The following CHMP5 variants were observed in gnomAD, a reference collection of about 807,000 sequenced individuals.
CHMP5 encodes the protein SNF7 domain containing 2.
CHMP5 carries 17 observed loss-of-function variants against 33.0 expected under a neutral mutation model. That is an observed-to-expected ratio of 0.52 (90% CI 0.35 to 0.77). The LOEUF (loss-of-function observed/expected upper bound fraction) is 0.77. Among genes scored for constraint, CHMP5 ranks in the 30% least tolerant of loss-of-function variants. The probability of loss-of-function intolerance (pLI) is 0.01; values close to 1 mark genes in which losing one functional copy is unlikely to be tolerated. For synonymous variants in CHMP5, 76 were observed against 90.2 expected (o/e 0.84, Z 0.89); for missense variants, 216 against 261.5 (o/e 0.83, Z 1.20).
intron 5 of CHMP5, 42 bp from the exon 6 acceptor site, chr9:33,276,414 A>G: frequency 1.7e-6 from 2 of 1,143,078 alleles, no homozygotes; most frequent in Non-Finnish European, 2.6e-6. Context: ...GTTAAAAGAA[A>G]ATGGTAAATG....
intron 5 of CHMP5, among the ~76,000 whole-genome samples, chr9:33,275,782 G>A (rs10758200): frequency 0.59 from 89,851 of 152,016 alleles, 32,213 homozygotes; most frequent in Non-Finnish European, 0.77. Context: ...GGCTGAGGTG[G>A]GCAGATCACC....
intron 3 of CHMP5, among the ~76,000 whole-genome samples, chr9:33,268,729 T>G (rs555967074): frequency 6.6e-6 from 1 of 152,198 alleles, no homozygotes; most frequent in Non-Finnish European, 1.5e-5. Flanking sequence ...AGAATATAGG[T>G]TCATTGTAGA....
intron 4 of CHMP5, among the ~76,000 whole-genome samples, chr9:33,270,925 T>C (rs1820786925): frequency 6.6e-6 from 1 of 151,898 alleles, no homozygotes; most frequent in African/African-American, 2.4e-5. Flanking sequence ...CTACTAAAAA[T>C]ACAAAAATTA....
intron 1 of CHMP5, 44 bp from the exon 2 acceptor site, chr9:33,265,966 G>A: frequency 8.0e-7 from 1 of 1,248,784 alleles, no homozygotes; most frequent in Non-Finnish European, 1.2e-6. Context: ...TCTGGAATAA[G>A]TGTATTGCAG....
chr9:33,271,439 C>T (rs1284191640), intron 5 of CHMP5, among the ~76,000 whole-genome samples: 2 of 152,190 alleles, frequency 1.3e-5, no homozygotes, highest in African/African-American at 2.4e-5. Flanking sequence ...CGATTTAAGA[C>T]GGTTCAACTT....
rs1344379193 is a variant in CHMP5 at position 33,265,052 on chromosome 9, G to A, written c.-27G>A. 8 of 1,614,100 alleles carry A rather than the reference G, an allele frequency of 5.0e-6. No individual in the cohort carries two copies. Among genetic ancestry groups the A allele is most frequent in the East Asian group, 4.5e-5 (2 of 44,878 alleles). ...CTTCCGTTTCTGGTTTTGCTCTAGT[G>A]TTTGGGTTTCTTCGCGGCTGCTCAA... On this transcript the variant is annotated 5_prime_UTR_variant, in exon 1 of 8. Transcript: ENST00000223500.
chr9:33,271,806 G>A (rs1381766556), intron 5 of CHMP5, among the ~76,000 whole-genome samples: 1 of 152,164 alleles, frequency 6.6e-6, no homozygotes, highest in Non-Finnish European at 1.5e-5. Flanking sequence ...AAATGAGCTA[G>A]TATCTCTACA....
rs1277626548 is a variant in CHMP5 at position 33,265,051 on chromosome 9, T to C, written c.-28T>C. 5.0e-6 allele frequency: 8 copies of C among 1,613,850 alleles called. No individual in the cohort carries two copies. The highest frequency in any genetic ancestry group is 4.0e-5 in the African/African-American group (3 of 74,946). On this transcript the variant is annotated 5_prime_UTR_variant, in exon 1 of 8. Transcript: ENST00000223500. ...GCTTCCGTTTCTGGTTTTGCTCTAG[T>C]GTTTGGGTTTCTTCGCGGCTGCTCA...
At chr9:33,275,567 C>T (rs978442723) in intron 5 of CHMP5, among the ~76,000 whole-genome samples, 2 of 152,294 alleles carry the variant, frequency 1.3e-5, no homozygotes, top group South Asian at 4.2e-4. Flanking sequence ...GTCTCAGTAA[C>T]CTCCCTGTCT....
intron 3 of CHMP5, among the ~76,000 whole-genome samples, chr9:33,268,534 T>C (rs1361781388): frequency 6.6e-6 from 1 of 152,218 alleles, no homozygotes; most frequent in Non-Finnish European, 1.5e-5. Context: ...AGAAAGATTG[T>C]CAGTGTCTCT....
chr9:33,274,392 C>T (rs1191066299), intron 5 of CHMP5, among the ~76,000 whole-genome samples: 1 of 152,142 alleles, frequency 6.6e-6, no homozygotes, highest in Non-Finnish European at 1.5e-5. Flanking sequence ...AAATGTCTTG[C>T]ATTGCTTTAG....
chr9:33,276,349 C>T (rs974098393), intron 5 of CHMP5, 107 bp from the exon 6 acceptor site: 1 of 624,606 alleles, frequency 1.6e-6, no homozygotes, highest in African/African-American at 1.9e-5. Context: ...TATACATTAT[C>T]TTTTTAAAAA....
Position 33,280,804 on chromosome 9 carries a change from T to C in CHMP5, c.610-5T>C, listed in dbSNP as rs368264902. 2.5e-6 allele frequency: 4 copies of C among 1,608,198 alleles called. No individual in the cohort carries two copies. The highest frequency in any genetic ancestry group is 3.4e-6 in the Non-Finnish European group (4 of 1,177,938). On this transcript the variant is annotated splice_region_variant and splice_polypyrimidine_tract_variant and intron_variant, in intron 7 of 7. Transcript: ENST00000223500. ...GTGGCACTAAACATTGCTTCCTTTT[T>C]ACAGGATGGAGTTCTGGTGGATGAA... is the stretch of plus-strand genomic sequence containing the variant.
At chr9:33,275,394 T>C (rs1820841337) in intron 5 of CHMP5, among the ~76,000 whole-genome samples, 1 of 152,182 alleles carries the variant, frequency 6.6e-6, no homozygotes, top group African/African-American at 2.4e-5. Flanking sequence ...TCACCAGCCT[T>C]GTCTTGGCTG....
At position 33,280,903 on chromosome 9, in the gene CHMP5, T is replaced by C; in HGVS notation, c.*44T>C. The C allele has an allele frequency of 2.0e-6, 3 of 1,496,274 alleles. No homozygotes were observed. Among genetic ancestry groups the C allele is most frequent in the Non-Finnish European group, 1.8e-6 (2 of 1,089,878 alleles). 92.7% of individuals were successfully genotyped at this position (1,496,274 alleles called of 1,614,324 possible). ...TATCTTGTAAAACAAACACATATTA[T>C]GGGACTAGGAAATATTTATCTTTCC... On this transcript the variant is annotated 3_prime_UTR_variant, in exon 8 of 8. Transcript: ENST00000223500.
chr9:33,271,657 T>A, intron 5 of CHMP5, among the ~76,000 whole-genome samples: 1 of 152,236 alleles, frequency 6.6e-6, no homozygotes, highest in Non-Finnish European at 1.5e-5. Flanking sequence ...ACAATTAAGG[T>A]AGGCTAGGCT....
chr9:33,276,929 C>A (rs933730758), intron 6 of CHMP5, among the ~76,000 whole-genome samples: 6 of 152,060 alleles, frequency 3.9e-5, no homozygotes, highest in African/African-American at 1.4e-4. Context: ...TAATTAGGGC[C>A]AGGTGCCCTA....
chr9:33,279,219 A>T (rs1564088459), intron 7 of CHMP5, among the ~76,000 whole-genome samples: 1 of 152,160 alleles, frequency 6.6e-6, no homozygotes, highest in Non-Finnish European at 1.5e-5. Context: ...GCCACTAATA[A>T]TGACAACCAG....
Position 33,265,233 on chromosome 9 carries a change from C to A in CHMP5, c.69+86C>A, listed in dbSNP as rs1820696017. 9 of 1,344,520 alleles carry A rather than the reference C, an allele frequency of 6.7e-6. No homozygotes were observed. In the South Asian group the frequency reaches 8.2e-5, roughly 12 times the overall value. 83.3% of individuals were successfully genotyped at this position (1,344,520 alleles called of 1,614,324 possible). A position where few individuals can be genotyped will look rare whatever the true frequency, so the allele number is the denominator to read the frequency against. The stretch of plus-strand genomic sequence containing the variant: ...CCCCAGCCCCGGGCCCATATTCTTC[C>A]ACTTCATTTCGGGTCCTGGGCCCCT... On this transcript the variant is annotated intron_variant, in intron 1 of 7. Coordinates refer to ENST00000223500, the MANE Select transcript of CHMP5 (RefSeq NM_016410.6).
Sources: gnomAD v4.1 joint callset for allele counts (sites outside exome capture counted in the v4.1 genomes callset) on GRCh38, gnomAD v4.1.1 for gene constraint, MANE v1.5 for transcripts, NCBI Gene and HGNC (gene_info 2026-07-23, HGNC 2026-07-21) for gene names.